Variants in MTA3 observed in about 807,000 individuals in gnomAD.
MTA3 encodes metastasis-associated protein MTA3.
A neutral mutation model predicts 83.5 loss-of-function variants in MTA3; 34 were observed. The ratio of observed to expected loss-of-function variants is 0.41; its 90% CI spans 0.31 to 0.54. MTA3 has a LOEUF of 0.54. MTA3 is among the 20% of genes least tolerant of loss of function. The probability of loss-of-function intolerance (pLI) is 0.33; values close to 1 mark genes in which losing one functional copy is unlikely to be tolerated. For missense variants in MTA3, 761 were observed against 726.4 expected, an observed-to-expected ratio of 1.05 and a Z score of -0.55; for synonymous variants, 303 against 252.7, an observed-to-expected ratio of 1.20 and a Z score of -1.89.
intron 2 of MTA3, among the ~76,000 whole-genome samples, chr2:42,525,627 T>TTCCTTCG (rs1224256361): frequency 8.0e-6 from 1 of 125,228 alleles, no homozygotes; most frequent in Non-Finnish European, 1.7e-5. Flanking sequence ...TCCTTCCTAC[T>TTCCTTCG]TTCTTTCTTT....
chr2:42,547,011 A>C (rs1376344453), intron 2 of MTA3, among the ~76,000 whole-genome samples: 2 of 152,188 alleles, frequency 1.3e-5, no homozygotes, highest in South Asian at 2.1e-4. Flanking sequence ...CTTCACGAGG[A>C]TGTGGACTTT....
At chr2:42,693,184 T>C (rs907569109) in intron 9 of MTA3, among the ~76,000 whole-genome samples, 21 of 152,242 alleles carry the variant, frequency 1.4e-4, no homozygotes, top group African/African-American at 5.1e-4. Flanking sequence ...ACAAGCACTC[T>C]TGTGGCTACC....
intron 2 of MTA3, among the ~76,000 whole-genome samples, chr2:42,499,253 C>T (rs531288510): frequency 4.8e-4 from 73 of 151,684 alleles, no homozygotes; most frequent in African/African-American, 1.4e-3. Context: ...CCGCAACCTC[C>T]GCCTCCCAGG....
intron 2 of MTA3, among the ~76,000 whole-genome samples, chr2:42,520,411 G>A (rs910639272): frequency 6.6e-6 from 1 of 152,108 alleles, no homozygotes; most frequent in Non-Finnish European, 1.5e-5. Flanking sequence ...ACCTGCTTCA[G>A]TTGTGCCCAG....
At chr2:42,656,090 A>T (rs372382938) in intron 6 of MTA3, 110 bp from the exon 7 acceptor site, 2 of 767,954 alleles carry the variant, frequency 2.6e-6, no homozygotes, top group Non-Finnish European at 2.2e-6. Flanking sequence ...AACTGTGGGC[A>T]CTTACCTTAC....
At chr2:42,752,135 A>C (rs1252567860) in intron 16 of MTA3, 1 of 469,598 alleles carries the variant, frequency 2.1e-6, no homozygotes, top group African/African-American at 2.0e-5. Flanking sequence ...CAAGGTTAGC[A>C]TGATTCCTAA....
intron 9 of MTA3, among the ~76,000 whole-genome samples, chr2:42,688,660 A>G (rs1036942940): frequency 8.1e-5 from 9 of 111,142 alleles, no homozygotes; most frequent in African/African-American, 2.8e-4. Flanking sequence ...TGCAGCTTTT[A>G]TATATCCTCC....
intron 14 of MTA3, chr2:42,709,645 C>A (rs1053043054): frequency 3.3e-5 from 5 of 152,252 alleles, no homozygotes; most frequent in African/African-American, 1.2e-4. Flanking sequence ...ATAACAAATA[C>A]TATATTTATT....
At chr2:42,591,593 T>C (rs1172572356) in intron 3 of MTA3, among the ~76,000 whole-genome samples, 1 of 152,000 alleles carries the variant, frequency 6.6e-6, no homozygotes, top group Non-Finnish European at 1.5e-5. Flanking sequence ...TACAAAAATA[T>C]TTTCTTTCAT....
At chr2:42,653,545 C>G (rs951551291) in intron 6 of MTA3, among the ~76,000 whole-genome samples, 1 of 152,158 alleles carries the variant, frequency 6.6e-6, no homozygotes, top group African/African-American at 2.4e-5. Flanking sequence ...GGAATCTCCT[C>G]TTAGTTTGAA....
chr2:42,703,339 A>T (rs1665761146), intron 11 of MTA3: 1 of 152,234 alleles, frequency 6.6e-6, no homozygotes, highest in African/African-American at 2.4e-5. Context: ...CGGAGTGGTC[A>T]TCATGAGTGG....
chr2:42,552,700 C>G (rs935197135), intron 2 of MTA3, among the ~76,000 whole-genome samples: 1 of 151,730 alleles, frequency 6.6e-6, no homozygotes, highest in Admixed American at 6.6e-5. Flanking sequence ...GCCTGTAATT[C>G]CAGCATTTTG....
chr2:42,574,006 T>A (rs1433143659), intron 2 of MTA3, among the ~76,000 whole-genome samples: 1 of 151,110 alleles, frequency 6.6e-6, no homozygotes, highest in South Asian at 2.1e-4. Flanking sequence ...ATTTATTTAT[T>A]TATTATTTAT....
At chr2:42,706,715 A>G (rs1666120177) in intron 12 of MTA3, among the ~76,000 whole-genome samples, 1 of 152,242 alleles carries the variant, frequency 6.6e-6, no homozygotes, top group African/African-American at 2.4e-5. Flanking sequence ...GTCACATGTC[A>G]GTAATTTAAA....
chr2:42,699,811 A>T (rs565033309), intron 11 of MTA3, among the ~76,000 whole-genome samples: 1 of 152,306 alleles, frequency 6.6e-6, no homozygotes, highest in South Asian at 2.1e-4. Flanking sequence ...TCTTAAACTC[A>T]GTGTGGGAAG....
chr2:42,678,416 C>G (rs1228985113), intron 8 of MTA3, among the ~76,000 whole-genome samples: 1 of 152,152 alleles, frequency 6.6e-6, no homozygotes, highest in Non-Finnish European at 1.5e-5. Flanking sequence ...CGGCTCACTG[C>G]TACTTCCACC....
At chr2:42,701,052 C>T (rs957836942) in intron 11 of MTA3, among the ~76,000 whole-genome samples, 1 of 152,122 alleles carries the variant, frequency 6.6e-6, no homozygotes, top group Non-Finnish European at 1.5e-5. Flanking sequence ...GAGTTGTGAT[C>T]ATGCCACCGC....
Position 42,715,615 on chromosome 2 carries a change from A to G in MTA3, c.1526-3373A>G, listed in dbSNP as rs550146139. Among the ~76,000 whole-genome samples, 8 of 152,166 alleles carry G rather than the reference A, an allele frequency of 5.3e-5. No individual in the cohort carries two copies. The South Asian group carries it at 1.7e-3, about 32-fold the overall frequency. On this transcript the variant is annotated intron_variant, in intron 14 of 16. Transcript: ENST00000405094. ...AAGCTTTGATCTCCCATTCAGAGGT[A>G]CTCTGTAATGCAAATTGTCACTTAG... is the stretch of plus-strand genomic sequence containing the variant.
chr2:42,752,346 G>A (rs1669937397), intron 16 of MTA3: 2 of 467,320 alleles, frequency 4.3e-6, no homozygotes, highest in South Asian at 3.1e-5. Flanking sequence ...GCAGGGTGAT[G>A]TGCCTGGGGC....
Sources: gnomAD v4.1 joint callset for allele counts (sites outside exome capture counted in the v4.1 genomes callset) on GRCh38, gnomAD v4.1.1 for gene constraint, MANE v1.5 for transcripts, NCBI Gene and HGNC (gene_info 2026-07-23, HGNC 2026-07-21) for gene names.